The following AIDA variants were observed in gnomAD, a reference collection of about 807,000 sequenced individuals.
AIDA encodes axin interactor, dorsalization-associated protein.
Under a neutral mutation model 42.7 loss-of-function variants are expected in AIDA, and 18 were observed. The observed-to-expected ratio is 0.42, with a 90% CI of 0.29 to 0.63. AIDA has a LOEUF of 0.63. Among genes scored for constraint, AIDA ranks in the 20% least tolerant of loss-of-function variants. AIDA has a pLI of 0.19. For missense variants in AIDA, 250 were observed against 354.1 expected (o/e 0.71, Z 2.36); for synonymous variants, 104 against 122.9 (o/e 0.85, Z 1.02).
At chr1:222,708,139 T>C (rs1360792352) in intron 1 of AIDA, among the ~76,000 whole-genome samples, 1 of 151,600 alleles carries the variant, frequency 6.6e-6, no homozygotes, top group Non-Finnish European at 1.5e-5. Flanking sequence ...TGAAACCCCG[T>C]CTCTACTAAA....
intron 4 of AIDA, among the ~76,000 whole-genome samples, chr1:222,693,294 G>A (rs747620116): frequency 6.6e-6 from 1 of 151,904 alleles, no homozygotes; most frequent in African/African-American, 2.4e-5. Context: ...ATCTAAACCA[G>A]CAAAAAAGCT....
intron 2 of AIDA, among the ~76,000 whole-genome samples, chr1:222,701,476 T>C (rs1655703522): frequency 6.6e-6 from 1 of 152,210 alleles, no homozygotes; most frequent in South Asian, 2.1e-4. Context: ...TATTAATTTA[T>C]ATATGTGGCT....
intron 1 of AIDA, among the ~76,000 whole-genome samples, chr1:222,707,020 G>T (rs929463056): frequency 6.6e-6 from 1 of 152,046 alleles, no homozygotes; most frequent in Non-Finnish European, 1.5e-5. Flanking sequence ...TGTCTTGTGG[G>T]GGTGATGGAA....
Position 222,668,109 on chromosome 1 carries a change from T to C in AIDA, c.*1784A>G, listed in dbSNP as rs1442494848. 1 of 152,230 alleles carries C rather than the reference T, an allele frequency of 6.6e-6. No individual in the cohort carries two copies. Among genetic ancestry groups the C allele is most frequent in the African/African-American group, 2.4e-5 (1 of 41,448 alleles). 9.4% of individuals were successfully genotyped at this position (152,230 alleles called of 1,614,324 possible). A position where few individuals can be genotyped will look rare whatever the true frequency, so the allele number is the denominator to read the frequency against. On this transcript the variant is annotated 3_prime_UTR_variant, in exon 10 of 10. Transcript: ENST00000340020. ...AGCAGATGCTTCATATAAATTATCATTTTGATATACATATCTTATGGTTTA... is the reference window on the plus strand; with the variant it reads ...AGCAGATGCTTCATATAAATTATCACTTTGATATACATATCTTATGGTTTA...
At chr1:222,679,963 A>G (rs918017427) in intron 6 of AIDA, among the ~76,000 whole-genome samples, 5 of 152,212 alleles carry the variant, frequency 3.3e-5, no homozygotes, top group Non-Finnish European at 7.3e-5. Context: ...AGATTTCTCA[A>G]CCTGGGTTCT....
At position 222,686,912 on chromosome 1, in the gene AIDA, TTAA is replaced by T. The variant is rs777943621; in HGVS notation, c.460+15_460+17del. ...GGTTGCAGTTAAATAATGTTTATTT[TTAA>T]TAAGTGATACCTACCGGGAACTCTA... On this transcript the variant is annotated intron_variant, in intron 6 of 9. Coordinates refer to ENST00000340020, the MANE Select transcript of AIDA (RefSeq NM_022831.4). 6.2e-7 allele frequency: 1 copy of T among 1,607,954 alleles called. No homozygotes were observed. Among genetic ancestry groups the T allele is most frequent in the South Asian group, 1.1e-5 (1 of 89,652 alleles).
intron 6 of AIDA, among the ~76,000 whole-genome samples, chr1:222,679,843 T>C (rs533048013): frequency 5.8e-4 from 88 of 152,292 alleles, no homozygotes; most frequent in South Asian, 2.1e-3. Flanking sequence ...AAGAAACATA[T>C]GCACAGATTC....
intron 7 of AIDA, among the ~76,000 whole-genome samples, chr1:222,674,983 T>C (rs1185451662): frequency 1.3e-5 from 2 of 152,194 alleles, no homozygotes; most frequent in Non-Finnish European, 2.9e-5. Context: ...CAAACTATAA[T>C]GTAGAGTATA....
rs1031507598 is a variant in AIDA at position 222,684,332 on chromosome 1, G to A, written c.460+2598C>T. Among the ~76,000 whole-genome samples the A allele has an allele frequency of 3.2e-4, 48 of 151,982 alleles. 1 individual carries two copies. Among genetic ancestry groups the A allele is most frequent in the Admixed American group, 2.5e-3 (38 of 15,252 alleles). ...TCACCATGTTGGCCAGGCTGGTCTC[G>A]AACTCCTGACCTCAGGTGATTCACC... On this transcript the variant is annotated intron_variant, in intron 6 of 9. Coordinates refer to ENST00000340020, the MANE Select transcript of AIDA (RefSeq NM_022831.4).
At chr1:222,708,244 G>A (rs890744523) in intron 1 of AIDA, among the ~76,000 whole-genome samples, 2 of 151,814 alleles carry the variant, frequency 1.3e-5, no homozygotes, top group African/African-American at 4.8e-5. Context: ...CTGGGAAGTG[G>A]AGGTTGCAGT....
chr1:222,709,551 G>A (rs1169667078), intron 1 of AIDA, among the ~76,000 whole-genome samples: 1 of 152,106 alleles, frequency 6.6e-6, no homozygotes, highest in South Asian at 2.1e-4. Context: ...GATAGAGGCA[G>A]TGGGGTTGGA....
At chr1:222,671,806 A>G (rs1459672692) in intron 8 of AIDA, among the ~76,000 whole-genome samples, 1 of 152,222 alleles carries the variant, frequency 6.6e-6, no homozygotes. Flanking sequence ...TGTCATTAGA[A>G]AACCAAAGAT....
intron 1 of AIDA, among the ~76,000 whole-genome samples, chr1:222,708,260 G>A (rs1039840084): frequency 3.3e-5 from 5 of 151,226 alleles, no homozygotes; most frequent in African/African-American, 9.7e-5. Flanking sequence ...GCAGTGAGCC[G>A]AAATCGCACC....
chr1:222,698,095 C>A (rs1400641180), intron 2 of AIDA, among the ~76,000 whole-genome samples: 1 of 152,104 alleles, frequency 6.6e-6, no homozygotes, highest in East Asian at 1.9e-4. Flanking sequence ...GTTACCAAAC[C>A]CAGTTGTTAT....
chr1:222,676,048 A>G (rs1354449580), intron 7 of AIDA, 48 bp downstream of exon 7: 2 of 1,527,988 alleles, frequency 1.3e-6, no homozygotes. Flanking sequence ...ATGAGAAGCA[A>G]CATTATAAAA....
chr1:222,711,312 A>G (rs1196695719), intron 1 of AIDA: 1 of 152,142 alleles, frequency 6.6e-6, no homozygotes, highest in African/African-American at 2.4e-5. Context: ...ACAACCCTGA[A>G]GTTTTCTGTG....
intron 2 of AIDA, among the ~76,000 whole-genome samples, chr1:222,695,624 T>C (rs1655497505): frequency 6.6e-6 from 1 of 152,092 alleles, no homozygotes; most frequent in Admixed American, 6.5e-5. Context: ...TATGAATAAC[T>C]AGGGTAGAAA....
At chr1:222,673,012 C>A (rs984471805) in intron 8 of AIDA, among the ~76,000 whole-genome samples, 1 of 152,212 alleles carries the variant, frequency 6.6e-6, no homozygotes, top group African/African-American at 2.4e-5. Flanking sequence ...CATCAGGGAA[C>A]CTTCACGCAC....
At chr1:222,674,952 G>A (rs144828210) in intron 7 of AIDA, among the ~76,000 whole-genome samples, 7 of 152,210 alleles carry the variant, frequency 4.6e-5, no homozygotes, top group African/African-American at 1.7e-4. Flanking sequence ...CATGAGTTAC[G>A]CAGTTCTGTA....
Sources: gnomAD v4.1 joint callset for allele counts (sites outside exome capture counted in the v4.1 genomes callset) on GRCh38, gnomAD v4.1.1 for gene constraint, MANE v1.5 for transcripts, NCBI Gene and HGNC (gene_info 2026-07-23, HGNC 2026-07-21) for gene names.